Variants in AKAP9 observed in about 807,000 individuals in gnomAD.
AKAP9 encodes the protein A-kinase anchoring protein 9, also known as A-kinase anchor protein 9.
A neutral mutation model predicts 488.5 loss-of-function variants in AKAP9; 311 were observed. The observed-to-expected ratio is 0.64, with a 90% CI of 0.58 to 0.70. AKAP9 has a LOEUF of 0.70. Ranked by LOEUF, AKAP9 falls within the 30% of genes least tolerant of loss-of-function variation. The pLI, the probability that AKAP9 is intolerant of heterozygous loss-of-function variation, is 0.00. For synonymous variants in AKAP9, 1,462 were observed against 1,483.5 expected, an observed-to-expected ratio of 0.99 and a Z score of 0.33; for missense variants, 4,215 against 4,374.5, an observed-to-expected ratio of 0.96 and a Z score of 1.03.
intron 3 of AKAP9, among the ~76,000 whole-genome samples, chr7:91,985,662 T>C (rs1259738924): frequency 6.6e-6 from 1 of 152,132 alleles, no homozygotes; most frequent in Non-Finnish European, 1.5e-5. Context: ...CCTTTCTTTT[T>C]TCTGTGGCGG....
Position 92,083,158 on chromosome 7 carries a change from A to G in AKAP9, c.8161-12A>G. ...AACTGAATGCCCTACTGTTCTATTC[A>G]TTACGTTTTAGGTAAAAGAAACAAA... On this transcript the variant is annotated splice_polypyrimidine_tract_variant and intron_variant, in intron 32 of 49. Transcript: ENST00000356239. The G allele has an allele frequency of 6.8e-6, 11 of 1,613,518 alleles. No homozygotes were observed. Among genetic ancestry groups the G allele is most frequent in the Non-Finnish European group, 9.3e-6 (11 of 1,179,622 alleles).
At chr7:92,051,468 A>C (rs1807971658) in intron 21 of AKAP9, among the ~76,000 whole-genome samples, 1 of 152,226 alleles carries the variant, frequency 6.6e-6, no homozygotes, top group South Asian at 2.1e-4. Context: ...AGTTGTATTT[A>C]CTGTTACCTT....
chr7:92,079,443 G>C lies in AKAP9; in HGVS notation c.7310G>C (p.Arg2437Pro). 1.9e-6 allele frequency: 3 copies of C among 1,614,066 alleles called. No homozygotes were observed. The highest frequency in any genetic ancestry group is 1.7e-6 in the Non-Finnish European group (2 of 1,180,000). Residue 2437 changes from arginine to proline, a missense_variant, in exon 31 of 50, where the codon CGT becomes CCT. Physicochemically the swap from Arg to Pro is moderately radical, Grantham distance 103. Transcript: ENST00000356239. ...TQELFSLKRERESVEKIQSIP... is the reference protein window; with the variant it reads ...TQELFSLKREPESVEKIQSIP... ...GAATTATTCAGCTTAAAGAGAGAACGTGAAAGTGTGGAAAAGATTCAAAGC... is the reference window on the plus strand; with the variant it reads ...GAATTATTCAGCTTAAAGAGAGAACCTGAAAGTGTGGAAAAGATTCAAAGC...
At chr7:91,971,591 G>T (rs1236742610) in intron 1 of AKAP9, among the ~76,000 whole-genome samples, 1 of 113,486 alleles carries the variant, frequency 8.8e-6, no homozygotes, top group Admixed American at 1.1e-4. Context: ...TTTTTGAGAC[G>T]GAGTCTCGCT....
At chr7:92,102,235 T>C (rs1423403017) in intron 45 of AKAP9, among the ~76,000 whole-genome samples, 2 of 149,686 alleles carry the variant, frequency 1.3e-5, no homozygotes, top group South Asian at 2.1e-4. Flanking sequence ...AAAATAGCTC[T>C]GTACAATTAA....
chr7:92,020,978 CT>C (rs1236814992), intron 12 of AKAP9, among the ~76,000 whole-genome samples: 3 of 152,170 alleles, frequency 2.0e-5, no homozygotes, highest in Non-Finnish European at 2.9e-5. Context: ...TTTCCCCTTG[CT>C]TTTAAAGTCT....
At chr7:92,055,823 A>T (rs1438870495) in intron 22 of AKAP9, among the ~76,000 whole-genome samples, 24 of 152,026 alleles carry the variant, frequency 1.6e-4, no homozygotes, top group Non-Finnish European at 2.9e-4. Context: ...CTGTTGTTAC[A>T]AGGGCTGTAT....
chr7:91,944,304 A>G (rs1417547902), intron 1 of AKAP9, among the ~76,000 whole-genome samples: 1 of 152,200 alleles, frequency 6.6e-6, no homozygotes, highest in Non-Finnish European at 1.5e-5. Context: ...GTGGTGGCTT[A>G]TAGGCAATTT....
At position 92,099,698 on chromosome 7, in the gene AKAP9, G is replaced by A. The variant is rs773824859; in HGVS notation, c.10725G>A (p.Val3575=). The A allele has an allele frequency of 1.2e-6, 2 of 1,613,844 alleles. No homozygotes were observed. Among genetic ancestry groups the A allele is most frequent in the Non-Finnish European group, 1.7e-6 (2 of 1,179,942 alleles). Residue 3575 remains valine (V), a synonymous_variant, in exon 44 of 50, where the codon GTG becomes GTA. Coordinates refer to ENST00000356239, the MANE Select transcript of AKAP9 (RefSeq NM_005751.5). ...TGQQGEEPSL[V]SPSTSCGSLT... is the part of the protein sequence containing the mutation. Reference sequence around the variant, plus strand: ...TTTTATTTTTCCAGCCCAGCTTGGTGTCCCCAAGTACTTCTTGTGGCTCAT... The same window carrying A: ...TTTTATTTTTCCAGCCCAGCTTGGTATCCCCAAGTACTTCTTGTGGCTCAT...
chr7:91,955,196 G>A (rs557709769), intron 1 of AKAP9, among the ~76,000 whole-genome samples: 20 of 152,272 alleles, frequency 1.3e-4, no homozygotes, highest in African/African-American at 4.1e-4. Flanking sequence ...AGGCAGGGGT[G>A]TCATGGATGG....
At chr7:91,971,191 C>T (rs1278760627) in intron 1 of AKAP9, among the ~76,000 whole-genome samples, 2 of 152,008 alleles carry the variant, frequency 1.3e-5, no homozygotes, top group African/African-American at 2.4e-5. Context: ...TTCCTTTTCT[C>T]CTCTGTATTT....
At chr7:91,973,557 T>A in intron 1 of AKAP9, 154 bp from the exon 2 acceptor site, 1 of 799,880 alleles carries the variant, frequency 1.3e-6, no homozygotes, top group Non-Finnish European at 2.0e-6. Flanking sequence ...ATTCCAGTAG[T>A]TACATTAAAG....
intron 16 of AKAP9, among the ~76,000 whole-genome samples, chr7:92,032,198 C>T (rs1804368760): frequency 6.6e-6 from 1 of 152,028 alleles, no homozygotes; most frequent in African/African-American, 2.4e-5. Flanking sequence ...ACCTGATTGG[C>T]TTTTAATATT....
At chr7:91,949,600 C>A (rs1040156233) in intron 1 of AKAP9, among the ~76,000 whole-genome samples, 1 of 152,152 alleles carries the variant, frequency 6.6e-6, no homozygotes, top group Non-Finnish European at 1.5e-5. Flanking sequence ...CATATTGACA[C>A]CCCTTTTATT....
Position 92,093,216 on chromosome 7 carries a change from G to A in AKAP9, c.9478G>A (p.Val3160Met), listed in dbSNP as rs1315830175. Residue 3160 changes from valine (V) to methionine (M), a missense_variant, in exon 39 of 50, where the codon GTG (valine) becomes ATG (methionine). By Grantham distance (21) the Val-to-Met change is conservative. Transcript: ENST00000356239. ...LQEQLSSEKM[V>M]VAELKSELAQ... ...GGAGCAGCTGAGTTCTGAGAAAATG[G>A]TGGTTGCTGAACTGAAGAGTGAGCT... The A allele has an allele frequency of 6.2e-7, 1 of 1,614,028 alleles. No homozygotes were observed. Among genetic ancestry groups the A allele is most frequent in the East Asian group, 2.2e-5 (1 of 44,898 alleles).
At position 92,065,218 on chromosome 7, in the gene AKAP9, T is replaced by C. The variant is rs370504212; in HGVS notation, c.5978-13T>C. On this transcript the variant is annotated splice_polypyrimidine_tract_variant and intron_variant, in intron 24 of 49. Coordinates refer to ENST00000356239, the MANE Select transcript of AKAP9 (RefSeq NM_005751.5). ...TTGTGATTTAATTCAGTATATTTTG[T>C]ATTAATAAACAGAATTACTACAGGA... 93 of 1,481,796 alleles carry C rather than the reference T, an allele frequency of 6.3e-5. No homozygotes were observed. Among genetic ancestry groups the C allele is most frequent in the Non-Finnish European group, 7.8e-5 (83 of 1,065,494 alleles). The allele number at this position is 1,481,796 out of a possible 1,614,324, so 91.8% of individuals were successfully genotyped here. A position where few individuals can be genotyped will look rare whatever the true frequency, so the allele number is the denominator to read the frequency against.
chr7:92,101,093 T>G, intron 45 of AKAP9, 37 bp downstream of exon 45: 1 of 1,590,640 alleles, frequency 6.3e-7, no homozygotes, highest in Non-Finnish European at 8.6e-7. Flanking sequence ...CACAGCTGGT[T>G]CTATGTTTTT....
chr7:92,014,397 A>C, intron 10 of AKAP9, 69 bp downstream of exon 10: 3 of 1,155,036 alleles, frequency 2.6e-6, no homozygotes, highest in Non-Finnish European at 3.8e-6. Context: ...GCACTTTGGG[A>C]GGCTGAGGTG....
intron 18 of AKAP9, 164 bp downstream of exon 18, chr7:92,041,062 C>G: frequency 1.6e-6 from 1 of 626,814 alleles, no homozygotes. Context: ...ATCAGGAACA[C>G]ACTCTATACT....
Sources: gnomAD v4.1 joint callset for allele counts (sites outside exome capture counted in the v4.1 genomes callset) on GRCh38, gnomAD v4.1.1 for gene constraint, MANE v1.5 for transcripts, NCBI Gene and HGNC (gene_info 2026-07-23, HGNC 2026-07-21) for gene names.